Variants in GPHN observed in about 807,000 individuals in gnomAD.
GPHN encodes the protein gephyrin.
A neutral mutation model predicts 95.5 loss-of-function variants in GPHN; 17 were observed. That is an observed-to-expected ratio of 0.18 (90% confidence interval 0.12 to 0.27). The LOEUF (loss-of-function observed/expected upper bound fraction) is 0.27, where lower values mean the gene tolerates loss of function less well. Among genes scored for constraint, GPHN ranks in the 10% least tolerant of loss-of-function variants. The pLI is 1.00. For synonymous variants in GPHN, 320 were observed against 322.5 expected, an observed-to-expected ratio of 0.99 and a Z score of 0.08; for missense variants, 660 against 978.1, an observed-to-expected ratio of 0.67 and a Z score of 4.34.
the GPHN span, chr14:67,726,874 T>C: frequency 3.1e-6 from 3 of 972,670 alleles, no homozygotes; most frequent in East Asian, 5.1e-5. Flanking sequence ...TCAAAATTGG[T>C]TCACACCCAG....
At chr14:66,912,394 C>G (rs2065715089) in intron 5 of GPHN, among the ~76,000 whole-genome samples, 1 of 152,034 alleles carries the variant, frequency 6.6e-6, no homozygotes, top group South Asian at 2.1e-4. Flanking sequence ...ACTAAAATGC[C>G]CTTCCTATTG....
At chr14:67,401,823 G>A in the GPHN span, among the ~76,000 whole-genome samples, 9 of 151,948 alleles carry the variant, frequency 5.9e-5, no homozygotes, top group Middle Eastern at 3.2e-3. Flanking sequence ...AACAGATATC[G>A]GGCAGAAAAT....
the GPHN span, among the ~76,000 whole-genome samples, chr14:67,633,168 A>C: frequency 1.5e-4 from 23 of 152,230 alleles, no homozygotes; most frequent in African/African-American, 4.3e-4. Flanking sequence ...TGATTAAGTT[A>C]CACTTTTTAG....
Position 66,565,423 on chromosome 14 carries a change from C to T in GPHN, c.64+56832C>T, listed in dbSNP as rs546870730. Among the ~76,000 whole-genome samples, 202 of 152,034 alleles carry T rather than the reference C, an allele frequency of 1.3e-3. 1 individual carries two copies. Among genetic ancestry groups the T allele is most frequent in the East Asian group, 4.1e-3 (21 of 5,162 alleles). On this transcript the variant is annotated intron_variant, in intron 1 of 22. Transcript: ENST00000478722. ...AAGTGATTCTCTCATCTCAGCCTCC[C>T]GAGTAGCCAGGACTACAGACATGCA...
intron 8 of GPHN, among the ~76,000 whole-genome samples, chr14:66,948,416 T>C (rs2067887811): frequency 1.3e-5 from 2 of 152,238 alleles, no homozygotes. Flanking sequence ...TCATGAATTT[T>C]TGTAGATTTT....
chr14:67,192,995 T>C, the GPHN span, among the ~76,000 whole-genome samples: 4 of 146,284 alleles, frequency 2.7e-5, no homozygotes, highest in African/African-American at 9.9e-5. Context: ...TCTCTATATA[T>C]CTCTATATAT....
chr14:67,525,686 T>G, the GPHN span, among the ~76,000 whole-genome samples: 1,869 of 152,368 alleles, frequency 0.012, 44 homozygotes, highest in African/African-American at 0.043. Context: ...TGTACATTAC[T>G]GCATATGCAG....
chr14:67,666,604 G>C, the GPHN span, among the ~76,000 whole-genome samples: 1 of 152,202 alleles, frequency 6.6e-6, no homozygotes, highest in African/African-American at 2.4e-5. Flanking sequence ...GGGATCAATA[G>C]CAGCTTTTTA....
chr14:67,600,157 G>A, the GPHN span: 1 of 1,589,796 alleles, frequency 6.3e-7, no homozygotes, highest in Non-Finnish European at 8.6e-7. Flanking sequence ...GCGCTGCAGC[G>A]CCAGGCGGCC....
the GPHN span, among the ~76,000 whole-genome samples, chr14:67,300,048 A>G: frequency 2.6e-5 from 4 of 152,142 alleles, no homozygotes; most frequent in African/African-American, 9.7e-5. Context: ...AAAGCCTTAA[A>G]GCCTTGTCCA....
At chr14:67,197,800 CT>C in the GPHN span, among the ~76,000 whole-genome samples, 4 of 152,232 alleles carry the variant, frequency 2.6e-5, no homozygotes, top group African/African-American at 9.6e-5. Flanking sequence ...CTAGAGAAGC[CT>C]TTCCTGCTAC....
At chr14:67,282,332 A>G in the GPHN span, among the ~76,000 whole-genome samples, 1 of 152,126 alleles carries the variant, frequency 6.6e-6, no homozygotes, top group African/African-American at 2.4e-5. Flanking sequence ...AGCCTTTTTC[A>G]CATCTAGAAA....
At chr14:66,748,451 G>T (rs2058243047) in intron 2 of GPHN, among the ~76,000 whole-genome samples, 1 of 151,862 alleles carries the variant, frequency 6.6e-6, no homozygotes, top group Admixed American at 6.6e-5. Flanking sequence ...ACCCTTACAT[G>T]CATAGCCTCC....
the GPHN span, among the ~76,000 whole-genome samples, chr14:67,542,268 C>T: frequency 1.3e-5 from 2 of 152,198 alleles, no homozygotes; most frequent in African/African-American, 4.8e-5. Context: ...GTGGCTGCAG[C>T]GGAGAGGTTC....
the GPHN span, chr14:67,392,456 G>C: frequency 6.7e-5 from 104 of 1,541,056 alleles, no homozygotes; most frequent in Non-Finnish European, 6.9e-5. Flanking sequence ...CAAGGACTCT[G>C]CTACAGAAAA....
chr14:67,333,720 TACTC>T, the GPHN span: 1 of 152,594 alleles, frequency 6.6e-6, no homozygotes, highest in African/African-American at 2.4e-5. Context: ...TCAACTGATT[TACTC>T]ACTTAGCTTC....
intron 9 of GPHN, among the ~76,000 whole-genome samples, chr14:66,991,655 C>T (rs181122620): frequency 6.6e-6 from 1 of 151,320 alleles, no homozygotes; most frequent in Non-Finnish European, 1.5e-5. Flanking sequence ...AAGTAGTATC[C>T]TCCCTACTTG....
intron 2 of GPHN, among the ~76,000 whole-genome samples, chr14:66,686,379 C>G (rs563134061): frequency 6.6e-6 from 1 of 152,142 alleles, no homozygotes; most frequent in East Asian, 1.9e-4. Context: ...TATCCATGAG[C>G]ATGGAATAAA....
the GPHN span, chr14:67,303,434 A>T: frequency 9.8e-7 from 1 of 1,020,868 alleles, no homozygotes. Flanking sequence ...GTTCTGAAAT[A>T]GTCCAGTTTA....
Sources: gnomAD v4.1 joint callset for allele counts (sites outside exome capture counted in the v4.1 genomes callset) on GRCh38, gnomAD v4.1.1 for gene constraint, MANE v1.5 for transcripts, NCBI Gene and HGNC (gene_info 2026-07-23, HGNC 2026-07-21) for gene names.